The following CACNB2 variants were observed in gnomAD, a reference collection of about 807,000 sequenced individuals.
CACNB2 encodes the protein calcium voltage-gated channel auxiliary subunit beta 2.
Under a neutral mutation model 73.3 loss-of-function variants are expected in CACNB2, and 42 were observed. The ratio of observed to expected loss-of-function variants is 0.57; its 90% CI spans 0.45 to 0.74. CACNB2 has a LOEUF of 0.74. Ranked by LOEUF, CACNB2 falls within the 30% of genes least tolerant of loss-of-function variation. The pLI, the probability that CACNB2 is intolerant of heterozygous loss-of-function variation, is 0.00. For missense variants in CACNB2, 940 were observed against 853.0 expected (o/e 1.10, Z -1.27); for synonymous variants, 348 against 310.3 (o/e 1.12, Z -1.28).
chr10:18,482,242 C>A (rs1288992897), intron 3 of CACNB2, among the ~76,000 whole-genome samples: 2 of 152,138 alleles, frequency 1.3e-5, no homozygotes, highest in African/African-American at 2.4e-5. Flanking sequence ...AACAGGACTT[C>A]TACATAGTAA....
chr10:18,246,981 G>T (rs574240267), intron 2 of CACNB2, among the ~76,000 whole-genome samples: 1 of 152,058 alleles, frequency 6.6e-6, no homozygotes, highest in Admixed American at 6.6e-5. Context: ...TGCATACCCC[G>T]TGAAACCTCA....
At chr10:18,217,538 T>A (rs1757217) in intron 2 of CACNB2, among the ~76,000 whole-genome samples, 3 of 151,596 alleles carry the variant, frequency 2.0e-5, no homozygotes, top group East Asian at 3.9e-4. Flanking sequence ...ATGGCAAAAT[T>A]GTATAAATGT....
At chr10:18,361,498 CAAAA>C (rs201696069) in intron 2 of CACNB2, among the ~76,000 whole-genome samples, 3 of 122,730 alleles carry the variant, frequency 2.4e-5, no homozygotes, top group African/African-American at 9.3e-5. Flanking sequence ...GACTCTATCT[CAAAA>C]AAAAAAAAAA....
chr10:18,525,874 A>G (rs551307794), intron 9 of CACNB2, among the ~76,000 whole-genome samples: 1 of 151,996 alleles, frequency 6.6e-6, no homozygotes, highest in South Asian at 2.1e-4. Context: ...TATTTCTATT[A>G]TCATGTTACT....
At chr10:18,516,904 A>G (rs1349368275) in intron 7 of CACNB2, among the ~76,000 whole-genome samples, 1 of 152,156 alleles carries the variant, frequency 6.6e-6, no homozygotes, top group Non-Finnish European at 1.5e-5. Context: ...TAGGCAGTGA[A>G]ATTTGACAGC....
At chr10:18,301,824 T>G (rs2039526463) in intron 2 of CACNB2, among the ~76,000 whole-genome samples, 2 of 151,618 alleles carry the variant, frequency 1.3e-5, no homozygotes, top group Admixed American at 6.6e-5. Context: ...AATTTTTGTA[T>G]TTTTAGTAGA....
intron 2 of CACNB2, among the ~76,000 whole-genome samples, chr10:18,267,030 G>T (rs1482616636): frequency 6.6e-6 from 1 of 152,102 alleles, no homozygotes; most frequent in Non-Finnish European, 1.5e-5. Context: ...GTGTGTGTGT[G>T]TATGTATATA....
In CACNB2 at chr10:18,538,478, A is replaced by G. The variant is rs1041784058; in HGVS notation, c.1488+113A>G. 9.2e-6 allele frequency: 8 copies of G among 874,054 alleles called. No homozygotes were observed. In the South Asian group the frequency reaches 1.2e-4, roughly 13 times the overall value. 54.1% of individuals were successfully genotyped at this position (874,054 alleles called of 1,614,324 possible). A position where few individuals can be genotyped will look rare whatever the true frequency, so the allele number is the denominator to read the frequency against. ...TAGCCTGCTTGGGGCTTGTTCTAGT[A>G]TATTAACTCAAAGCAAGTCCAGCAT... is the stretch of plus-strand genomic sequence containing the variant. On this transcript the variant is annotated intron_variant, in intron 13 of 13. Coordinates refer to ENST00000324631, the MANE Select transcript of CACNB2 (RefSeq NM_201596.3).
At chr10:18,522,676 G>C (rs1431356646) in intron 9 of CACNB2, among the ~76,000 whole-genome samples, 2 of 151,902 alleles carry the variant, frequency 1.3e-5, no homozygotes, top group Non-Finnish European at 2.9e-5. Flanking sequence ...TCAAGTGTTC[G>C]AGACCGGCTT....
chr10:18,363,949 A>AT (rs529275417), intron 2 of CACNB2, among the ~76,000 whole-genome samples: 35,466 of 139,218 alleles, frequency 0.25, 4,868 homozygotes, highest in East Asian at 0.65. Flanking sequence ...AGGCAGTTTA[A>AT]TTTTTTTTTT....
At chr10:18,218,123 A>G (rs2035586358) in intron 2 of CACNB2, among the ~76,000 whole-genome samples, 1 of 152,226 alleles carries the variant, frequency 6.6e-6, no homozygotes, top group Admixed American at 6.5e-5. Flanking sequence ...GGCCTGAGGC[A>G]GACCACTTCA....
chr10:18,463,634 C>T (rs182216472), intron 3 of CACNB2, among the ~76,000 whole-genome samples: 6 of 151,568 alleles, frequency 4.0e-5, no homozygotes, highest in Non-Finnish European at 8.8e-5. Context: ...GGGGTTTTGC[C>T]ATGGTGCCCA....
At chr10:18,421,838 A>T (rs934181230) in intron 3 of CACNB2, among the ~76,000 whole-genome samples, 1 of 152,200 alleles carries the variant, frequency 6.6e-6, no homozygotes, top group Non-Finnish European at 1.5e-5. Context: ...AGAGTGGCTG[A>T]TGCTTGAAGA....
chr10:18,140,629 A>G lies in CACNB2; in HGVS notation c.-108A>G. ...GCTGCGCCGAGAACGGCCGGGCCTG[A>G]GCCCTGGGCGGCCCCCAGAGCCGAT... On this transcript the variant is annotated 5_prime_UTR_variant, in exon 1 of 14. Coordinates refer to ENST00000324631, the MANE Select transcript of CACNB2 (RefSeq NM_201596.3). The G allele has an allele frequency of 1.1e-6, 1 of 942,270 alleles. No individual in the cohort carries two copies. The highest frequency in any genetic ancestry group is 1.6e-5 in the South Asian group (1 of 63,528). 58.4% of individuals were successfully genotyped at this position (942,270 alleles called of 1,614,324 possible).
intron 2 of CACNB2, among the ~76,000 whole-genome samples, chr10:18,298,543 A>T (rs1473689256): frequency 6.6e-6 from 1 of 152,232 alleles, no homozygotes; most frequent in Non-Finnish European, 1.5e-5. Context: ...ATCATTCCCT[A>T]AAATCAAGAG....
At chr10:18,158,035 A>C (rs533165540) in intron 2 of CACNB2, among the ~76,000 whole-genome samples, 1 of 152,266 alleles carries the variant, frequency 6.6e-6, no homozygotes, top group East Asian at 1.9e-4. Context: ...GTGGAACTGG[A>C]ATTGGAGGAG....
At chr10:18,230,199 T>C (rs1018769451) in intron 2 of CACNB2, among the ~76,000 whole-genome samples, 1 of 152,122 alleles carries the variant, frequency 6.6e-6, no homozygotes, top group Non-Finnish European at 1.5e-5. Flanking sequence ...ACTCCCTTGT[T>C]CTCCAAGATA....
rs371554976 is a variant in CACNB2, at chr10:18,314,600, C to T, written c.214-87324C>T. Among the ~76,000 whole-genome samples the T allele has an allele frequency of 8.6e-5, 13 of 152,008 alleles. No homozygotes were observed. In the East Asian group the frequency reaches 2.3e-3, roughly 27 times the overall value. ...TGTGAGAAAAAAAAAACGTGAGCCA[C>T]CATAAAGTAACTAAAACAGCTAAAT... is the stretch of plus-strand genomic sequence containing the variant. On this transcript the variant is annotated intron_variant, in intron 2 of 13. Coordinates refer to ENST00000324631, the MANE Select transcript of CACNB2 (RefSeq NM_201596.3).
chr10:18,245,905 G>T (rs1588832072), intron 2 of CACNB2, among the ~76,000 whole-genome samples: 1 of 152,164 alleles, frequency 6.6e-6, no homozygotes, highest in East Asian at 1.9e-4. Flanking sequence ...TATTAATCAG[G>T]AGTTGGGAAG....
Sources: allele counts gnomAD v4.1 joint callset (sites outside exome capture counted in the v4.1 genomes callset), GRCh38; gene constraint gnomAD v4.1.1; transcripts MANE v1.5; gene names NCBI Gene and HGNC (gene_info 2026-07-23, HGNC 2026-07-21).